ANXA8: variants seen among roughly 807,000 people sequenced by gnomAD.
ANXA8 encodes the protein annexin A8, also known as VAC-beta.
Under a neutral mutation model 26.8 loss-of-function variants are expected in ANXA8, and 9 were observed. The observed-to-expected ratio is 0.34, with a 90% CI of 0.20 to 0.59. The LOEUF is 0.59. Ranked by LOEUF, ANXA8 falls within the 20% of genes least tolerant of loss-of-function variation. The probability of loss-of-function intolerance (pLI) is 0.84; values close to 1 mark genes in which losing one functional copy is unlikely to be tolerated. For missense variants in ANXA8, 83 were observed against 238.5 expected (o/e 0.35, Z 4.29); for synonymous variants, 39 against 94.8 (o/e 0.41, Z 3.42).
chr10:47,700,502 C>G, the ANXA8 span, among the ~76,000 whole-genome samples: 13 of 151,770 alleles, frequency 8.6e-5, no homozygotes, highest in East Asian at 2.5e-3. Context: ...GTAATAAACA[C>G]CATATGGATT....
the ANXA8 span, among the ~76,000 whole-genome samples, chr10:47,769,699 T>C: frequency 6.6e-6 from 1 of 152,286 alleles, no homozygotes; most frequent in Non-Finnish European, 1.5e-5. Flanking sequence ...CAGTTAAAAG[T>C]GCTGAGCCTG....
At chr10:47,952,886 A>G in the ANXA8 span, among the ~76,000 whole-genome samples, 1 of 148,210 alleles carries the variant, frequency 6.7e-6, no homozygotes, top group African/African-American at 2.6e-5. Flanking sequence ...GGGGAAAAAG[A>G]TAGTCTTTGA....
chr10:47,497,589 A>G, the ANXA8 span, among the ~76,000 whole-genome samples: 4 of 148,402 alleles, frequency 2.7e-5, no homozygotes, highest in East Asian at 6.4e-4. Flanking sequence ...ATTGCACTCC[A>G]GCCTGGCCAA....
At chr10:47,612,746 A>G in the ANXA8 span, among the ~76,000 whole-genome samples, 5 of 73,532 alleles carry the variant, frequency 6.8e-5, 2 homozygotes, top group South Asian at 6.9e-4. Flanking sequence ...GGGAAGATAG[A>G]CCTGAGCTAG....
chr10:47,711,585 C>T, the ANXA8 span, among the ~76,000 whole-genome samples: 1 of 147,936 alleles, frequency 6.8e-6, no homozygotes, highest in East Asian at 2.0e-4. Flanking sequence ...TAAGATCAAA[C>T]AGGGACAGAT....
chr10:47,946,865 G>C, the ANXA8 span, among the ~76,000 whole-genome samples: 3 of 149,806 alleles, frequency 2.0e-5, no homozygotes, highest in Non-Finnish European at 4.5e-5. Context: ...GCTAATTTTT[G>C]TATTTTTAGT....
the ANXA8 span, among the ~76,000 whole-genome samples, chr10:47,655,625 G>C: frequency 1.3e-5 from 2 of 151,934 alleles, no homozygotes; most frequent in African/African-American, 4.9e-5. Context: ...AGGAGCAGTT[G>C]CTGGGTATGA....
chr10:47,603,250 A>C, the ANXA8 span, among the ~76,000 whole-genome samples: 2 of 148,394 alleles, frequency 1.3e-5, no homozygotes, highest in Non-Finnish European at 2.9e-5. Flanking sequence ...AGAAAAATAA[A>C]GGAGAATAAG....
the ANXA8 span, among the ~76,000 whole-genome samples, chr10:47,743,303 T>TATATACATATATATAC: frequency 1.9e-5 from 1 of 53,946 alleles, no homozygotes; most frequent in East Asian, 8.2e-4. Flanking sequence ...TACACATATA[T>TATATACATATATATAC]ATATATATAC....
chr10:47,744,413 G>GGGGGGGGTTGGGGGGGGAGGGGGGGA, the ANXA8 span, among the ~76,000 whole-genome samples: 1 of 3,976 alleles, frequency 2.5e-4, no homozygotes, highest in Non-Finnish European at 4.7e-4. Context: ...GCTCCTGGTG[G>GGGGGGGGTTGGGGGGGGAGGGGGGGA]GGGGGGGGTT....
At chr10:47,581,033 G>A in the ANXA8 span, among the ~76,000 whole-genome samples, 5 of 150,340 alleles carry the variant, frequency 3.3e-5, no homozygotes, top group Admixed American at 6.6e-5. Context: ...GCGAGATCAC[G>A]CCGCTGCACT....
At chr10:47,668,296 T>C in the ANXA8 span, among the ~76,000 whole-genome samples, 2 of 150,672 alleles carry the variant, frequency 1.3e-5, no homozygotes, top group Non-Finnish European at 2.9e-5. Context: ...TTTTCATGGA[T>C]GGAGTATCTA....
At chr10:47,745,743 C>T in the ANXA8 span, among the ~76,000 whole-genome samples, 1 of 134,170 alleles carries the variant, frequency 7.5e-6, no homozygotes, top group African/African-American at 2.6e-5. Context: ...TGGTTCATTG[C>T]GTTGTCCACC....
upstream of ANXA8, among the ~76,000 whole-genome samples, chr10:47,488,741 T>TTTTTTG (rs1840090949): frequency 7.3e-6 from 1 of 136,770 alleles, no homozygotes; most frequent in African/African-American, 2.9e-5. Context: ...TTTTTTTTTT[T>TTTTTTG]TTTTGAGACA....
At chr10:47,985,902 G>A in the ANXA8 span, 1 of 147,592 alleles carries the variant, frequency 6.8e-6, no homozygotes, top group African/African-American at 2.5e-5. Flanking sequence ...CTGCTGTGCA[G>A]TAGGGGGCAT....
chr10:47,590,072 A>G, the ANXA8 span: 2 of 146,022 alleles, frequency 1.4e-5, no homozygotes, highest in Admixed American at 1.3e-4. Flanking sequence ...ATTATTCATT[A>G]AGAAATTTGA....
chr10:47,674,540 C>T, the ANXA8 span, among the ~76,000 whole-genome samples: 1 of 151,578 alleles, frequency 6.6e-6, no homozygotes, highest in Admixed American at 6.6e-5. Context: ...TATTTCTTTA[C>T]TACAAAGTTA....
At chr10:47,551,680 T>G in the ANXA8 span, 1 of 191,242 alleles carries the variant, frequency 5.2e-6, no homozygotes, top group Non-Finnish European at 1.1e-5. Context: ...ATGTCACCTG[T>G]GAGAGGCTCC....
chr10:47,556,098 G>A, the ANXA8 span, among the ~76,000 whole-genome samples: 18 of 151,984 alleles, frequency 1.2e-4, no homozygotes, highest in South Asian at 2.5e-3. Flanking sequence ...TGGTATCAGG[G>A]ACAGACAGGG....
Sources: allele counts gnomAD v4.1 joint callset (sites outside exome capture counted in the v4.1 genomes callset), GRCh38; gene constraint gnomAD v4.1.1; transcripts MANE v1.5; gene names NCBI Gene and HGNC (gene_info 2026-07-23, HGNC 2026-07-21).